The following ANTXR1 variants were observed in gnomAD, a reference collection of about 807,000 sequenced individuals.
The protein encoded by ANTXR1 is anthrax toxin receptor 1.
A neutral mutation model predicts 78.1 loss-of-function variants in ANTXR1; 19 were observed. The observed-to-expected ratio is 0.24, with a 90% confidence interval of 0.17 to 0.36. ANTXR1 has a LOEUF of 0.36. Ranked by LOEUF, ANTXR1 falls within the 10% of genes least tolerant of loss-of-function variation. The pLI is 1.00. For missense variants in ANTXR1, 518 were observed against 718.6 expected (o/e 0.72, Z 3.19); for synonymous variants, 273 against 260.5 (o/e 1.05, Z -0.46).
intron 16 of ANTXR1, 146 bp from the exon 17 acceptor site, chr2:69,193,189 T>A: frequency 1.4e-6 from 1 of 718,428 alleles, no homozygotes; most frequent in South Asian, 1.4e-5. Flanking sequence ...ATTAAGGGAC[T>A]GCAGAGTCAC....
rs190898575 is a variant in ANTXR1, at chr2:69,055,680, C to G, written c.296+10867C>G. Among the ~76,000 whole-genome samples, 7 of 149,500 alleles carry G rather than the reference C, an allele frequency of 4.7e-5. No individual in the cohort carries two copies. In the South Asian group the frequency reaches 1.5e-3, roughly 31 times the overall value. ...ATGTGCATGCATGTGTATTCTATTC[C>G]ATAACATAATTCCATTATATGTGAT... On this transcript the variant is annotated intron_variant, in intron 3 of 17. Coordinates refer to ENST00000303714, the MANE Select transcript of ANTXR1 (RefSeq NM_032208.3).
At chr2:69,124,708 G>A in intron 12 of ANTXR1, 65 bp downstream of exon 12, 3 of 1,568,050 alleles carry the variant, frequency 1.9e-6, no homozygotes, top group Non-Finnish European at 2.6e-6. Flanking sequence ...CGTTTCTTAA[G>A]CAGTAATCTT....
At chr2:69,017,256 C>G (rs73934642) in intron 1 of ANTXR1, among the ~76,000 whole-genome samples, 1 of 152,294 alleles carries the variant, frequency 6.6e-6, no homozygotes, top group African/African-American at 2.4e-5. Context: ...TAGAGAGAAC[C>G]TCCTCACACA....
intron 9 of ANTXR1, among the ~76,000 whole-genome samples, chr2:69,102,553 G>A (rs551869905): frequency 8.5e-5 from 13 of 152,346 alleles, no homozygotes; most frequent in African/African-American, 2.9e-4. Flanking sequence ...AGATTTGAAT[G>A]GACAGAGAGG....
intron 17 of ANTXR1, among the ~76,000 whole-genome samples, chr2:69,227,277 G>T (rs1432876512): frequency 6.6e-6 from 1 of 152,154 alleles, no homozygotes; most frequent in African/African-American, 2.4e-5. Context: ...GATCATGGCA[G>T]CCCTTACCTA....
In ANTXR1 at chr2:69,013,383, G is replaced by T; in HGVS notation, c.-117G>T. ...ATTGCTTCCGGGGAGTTGCGAGGGAGCGAGGGGGAATAAAGGACCCGCGAG... is the reference window on the plus strand; with the variant it reads ...ATTGCTTCCGGGGAGTTGCGAGGGATCGAGGGGGAATAAAGGACCCGCGAG... On this transcript the variant is annotated 5_prime_UTR_variant, in exon 1 of 18. Coordinates refer to ENST00000303714, the MANE Select transcript of ANTXR1 (RefSeq NM_032208.3). This position sits in a 1 kb window ranked among gnomAD's most constrained non-coding sequence, Gnocchi z 5.0. 1 of 1,404,098 alleles carries T rather than the reference G, an allele frequency of 7.1e-7. No individual in the cohort carries two copies. Among genetic ancestry groups the T allele is most frequent in the Non-Finnish European group, 9.8e-7 (1 of 1,020,796 alleles). 87.0% of individuals were successfully genotyped at this position (1,404,098 alleles called of 1,614,324 possible).
intron 17 of ANTXR1, among the ~76,000 whole-genome samples, chr2:69,213,951 T>C (rs904353791): frequency 6.6e-6 from 1 of 152,216 alleles, no homozygotes; most frequent in African/African-American, 2.4e-5. Flanking sequence ...GTGTGGGGCA[T>C]GGGAGGGGGT....
At chr2:69,065,543 T>A (rs1670373814) in intron 3 of ANTXR1, among the ~76,000 whole-genome samples, 1 of 151,898 alleles carries the variant, frequency 6.6e-6, no homozygotes, top group Non-Finnish European at 1.5e-5. Context: ...TAAAGGAATA[T>A]TATAAACAAT....
At chr2:69,065,864 A>T (rs1670383999) in intron 3 of ANTXR1, among the ~76,000 whole-genome samples, 1 of 152,226 alleles carries the variant, frequency 6.6e-6, no homozygotes, top group South Asian at 2.1e-4. Flanking sequence ...AATTGGAGCC[A>T]TAAGGCCATC....
chr2:69,029,954 G>A (rs1490057200), intron 1 of ANTXR1, among the ~76,000 whole-genome samples: 1 of 152,092 alleles, frequency 6.6e-6, no homozygotes, highest in African/African-American at 2.4e-5. Flanking sequence ...ATTTTTATGC[G>A]AGGTAGCAAA....
chr2:69,172,427 AAC>A, intron 14 of ANTXR1: 1 of 1,602,938 alleles, frequency 6.2e-7, no homozygotes. Flanking sequence ...CAGATAACCT[AAC>A]ACAGCCCGTG....
chr2:69,217,825 T>C (rs1358499662), intron 17 of ANTXR1, among the ~76,000 whole-genome samples: 3 of 152,138 alleles, frequency 2.0e-5, no homozygotes, highest in East Asian at 1.9e-4. Context: ...AAAGATCCTC[T>C]TCCCTGTAGA....
chr2:69,069,552 G>T (rs1333041802), intron 3 of ANTXR1, among the ~76,000 whole-genome samples: 1 of 152,148 alleles, frequency 6.6e-6, no homozygotes, highest in Non-Finnish European at 1.5e-5. Context: ...CTCTAGCATT[G>T]TTCCATGCTA....
chr2:69,207,062 C>T (rs772886949), intron 17 of ANTXR1, among the ~76,000 whole-genome samples: 30 of 152,300 alleles, frequency 2.0e-4, no homozygotes, highest in Non-Finnish European at 3.8e-4. Flanking sequence ...GACGCCAATG[C>T]TGTAATGAAT....
rs139023490 is a variant in ANTXR1 at position 69,131,723 on chromosome 2, C to T, written c.951+7080C>T. Among the ~76,000 whole-genome samples, 186 of 152,160 alleles carry T rather than the reference C, an allele frequency of 1.2e-3. 1 individual carries two copies. Among genetic ancestry groups the T allele is most frequent in the African/African-American group, 4.4e-3 (181 of 41,498 alleles). On this transcript the variant is annotated intron_variant, in intron 12 of 17. Transcript: ENST00000303714. ...GGGTCATACTGGTACCATGATGGCA[C>T]CTACTGGCAGGAAAGAAAAGGAGCC...
chr2:69,148,545 T>C (rs1420167991), intron 12 of ANTXR1, among the ~76,000 whole-genome samples: 1 of 152,220 alleles, frequency 6.6e-6, no homozygotes, highest in African/African-American at 2.4e-5. Context: ...TTGGTATTTT[T>C]AGTGAGATGA....
In ANTXR1 at chr2:69,077,241, G is replaced by GTTA. The variant is rs1670760937; in HGVS notation, c.562-163_562-161dup. ...CTCCAGAGAGGCCACTGGTGAGCTTGTTATTACTGATGGCTTTTCAGGGCA... is the reference window on the plus strand; with the variant it reads ...CTCCAGAGAGGCCACTGGTGAGCTTGTTATTATTACTGATGGCTTTTCAGGGCA... On this transcript the variant is annotated intron_variant, in intron 7 of 17. Coordinates refer to ENST00000303714, the MANE Select transcript of ANTXR1 (RefSeq NM_032208.3). The GTTA allele has an allele frequency of 5.8e-6, 4 of 693,528 alleles. No homozygotes were observed. In the East Asian group the frequency reaches 1.1e-4, roughly 19 times the overall value. The allele number at this position is 693,528 out of a possible 1,614,324, so 43.0% of individuals were successfully genotyped here. A position where few individuals can be genotyped will look rare whatever the true frequency, so the allele number is the denominator to read the frequency against.
At chr2:69,096,601 A>G (rs1017512973) in intron 9 of ANTXR1, among the ~76,000 whole-genome samples, 4 of 152,148 alleles carry the variant, frequency 2.6e-5, no homozygotes, top group South Asian at 2.1e-4. Context: ...CTCAGAGGTT[A>G]TAAACTGGCA....
intron 17 of ANTXR1, among the ~76,000 whole-genome samples, chr2:69,230,431 C>T (rs912184747): frequency 5.9e-5 from 9 of 151,920 alleles, no homozygotes; most frequent in East Asian, 1.9e-4. Flanking sequence ...TAACTTTACG[C>T]GTAGGGTAGA....
Sources: allele counts gnomAD v4.1 joint callset (sites outside exome capture counted in the v4.1 genomes callset), GRCh38; gene constraint gnomAD v4.1.1; non-coding constraint Gnocchi (gnomAD v3.1); transcripts MANE v1.5; gene names NCBI Gene and HGNC (gene_info 2026-07-23, HGNC 2026-07-21).